The following ATRNL1 variants were observed in gnomAD, a reference collection of about 807,000 sequenced individuals.
ATRNL1 encodes the protein attractin-like protein 1.
A neutral mutation model predicts 182.7 loss-of-function variants in ATRNL1; 95 were observed. That is an observed-to-expected ratio of 0.52 (90% CI 0.44 to 0.62). The LOEUF (loss-of-function observed/expected upper bound fraction) is 0.62. Ranked by LOEUF, ATRNL1 falls within the 20% of genes least tolerant of loss-of-function variation. The pLI, the probability that ATRNL1 is intolerant of heterozygous loss-of-function variation, is 0.00. For missense variants in ATRNL1, 1,471 were observed against 1,679.5 expected, an observed-to-expected ratio of 0.88 and a Z score of 2.17; for synonymous variants, 576 against 568.3, an observed-to-expected ratio of 1.01 and a Z score of -0.19.
In ATRNL1 at chr10:115,262,336, T is replaced by G. The variant is rs140595675; in HGVS notation, c.1688-2857T>G. Among the ~76,000 whole-genome samples, 767 of 152,022 alleles carry G rather than the reference T, an allele frequency of 5.0e-3. 4 individuals are homozygous for G. Among genetic ancestry groups the G allele is most frequent in the African/African-American group, 0.016 (678 of 41,536 alleles). On this transcript the variant is annotated intron_variant, in intron 10 of 28. Transcript: ENST00000355044. ...ATAAATGTTCAAAAATTGGGAAAAT[T>G]AGTGCATTGACATATACTTGGAAAT...
chr10:115,597,459 A>T (rs1166759206), intron 26 of ATRNL1: 2 of 334,098 alleles, frequency 6.0e-6, no homozygotes, highest in Admixed American at 8.8e-5. Flanking sequence ...TGTTGTGTGA[A>T]TTAAAATGGC....
At chr10:115,254,368 G>A (rs1851021189) in intron 10 of ATRNL1, among the ~76,000 whole-genome samples, 6 of 152,290 alleles carry the variant, frequency 3.9e-5, no homozygotes, top group African/African-American at 1.4e-4. Flanking sequence ...GTTTTGATTT[G>A]TATTTCTCTG....
rs576795618 is a variant in ATRNL1, at chr10:115,654,967, T to C, written c.3796-72281T>C. The stretch of plus-strand genomic sequence containing the variant: ...TTGCTCTTAGAATGTTTGTTCTGGG[T>C]AGGCCAGCTACCATGTATTGAAGTC... On this transcript the variant is annotated intron_variant, in intron 26 of 28. Transcript: ENST00000355044. Among the ~76,000 whole-genome samples, 5 of 152,264 alleles carry C rather than the reference T, an allele frequency of 3.3e-5. No homozygotes were observed. The South Asian group carries it at 8.3e-4, about 25-fold the overall frequency.
intron 26 of ATRNL1, among the ~76,000 whole-genome samples, chr10:115,668,309 T>C (rs1861119531): frequency 6.6e-6 from 1 of 152,156 alleles, no homozygotes; most frequent in Admixed American, 6.5e-5. Flanking sequence ...GAGAATTATT[T>C]TCCTGCTTGA....
At chr10:115,295,580 C>A (rs1403272937) in intron 15 of ATRNL1, among the ~76,000 whole-genome samples, 1 of 152,144 alleles carries the variant, frequency 6.6e-6, no homozygotes, top group Admixed American at 6.5e-5. Context: ...TTCTCAGGCC[C>A]TGAGTGCAGG....
intron 24 of ATRNL1, among the ~76,000 whole-genome samples, chr10:115,507,690 G>A (rs1850183432): frequency 6.6e-6 from 1 of 152,080 alleles, no homozygotes. Context: ...AAAGTAATTA[G>A]CACAGTGCCT....
rs181182882 is a variant in ATRNL1, at chr10:115,205,356, C to T, written c.1349-10341C>T. ...GACGATTTATATTTAATGTAATTAT[C>T]AATATGCTTGGATTTAATCATGCTG... On this transcript the variant is annotated intron_variant, in intron 8 of 28. Coordinates refer to ENST00000355044, the MANE Select transcript of ATRNL1 (RefSeq NM_207303.4). 6.4e-3 allele frequency among the ~76,000 whole-genome samples: 971 copies of T among 151,854 alleles called. 11 individuals are homozygous for T. The highest frequency in any genetic ancestry group is 0.022 in the African/African-American group (918 of 41,486).
At chr10:115,141,067 A>G (rs1234329751) in intron 5 of ATRNL1, among the ~76,000 whole-genome samples, 1 of 152,090 alleles carries the variant, frequency 6.6e-6, no homozygotes, top group African/African-American at 2.4e-5. Flanking sequence ...TGCTTGTATG[A>G]TTCTTTGATT....
At chr10:115,140,249 G>A (rs1244666486) in intron 5 of ATRNL1, among the ~76,000 whole-genome samples, 2 of 152,178 alleles carry the variant, frequency 1.3e-5, no homozygotes, top group Non-Finnish European at 2.9e-5. Flanking sequence ...TATATGTAGT[G>A]AAAGAGGTTC....
rs573551921 is a variant in ATRNL1, at chr10:115,797,274, G to A, written c.3904-50603G>A. Among the ~76,000 whole-genome samples, 347 of 152,264 alleles carry A rather than the reference G, an allele frequency of 2.3e-3. 1 individual carries two copies. The highest frequency in any genetic ancestry group is 8.0e-3 in the African/African-American group (333 of 41,554). ...GCAGGGCCTCTTGTTCAAAAAGTAG[G>A]AAAAATAGGCCTTTAAAAGTCCTAA... On this transcript the variant is annotated intron_variant, in intron 27 of 28. Coordinates refer to ENST00000355044, the MANE Select transcript of ATRNL1 (RefSeq NM_207303.4).
In ATRNL1 at chr10:115,219,263, C is replaced by T. The variant is rs529304698; in HGVS notation, c.1532+3383C>T. On this transcript the variant is annotated intron_variant, in intron 9 of 28. Coordinates refer to ENST00000355044, the MANE Select transcript of ATRNL1 (RefSeq NM_207303.4). ...AAAAAAAAAAAAGAAAAAGGGATGA[C>T]GTGTGTGCTTTGCACCCATCTCCTC... 5.3e-5 allele frequency among the ~76,000 whole-genome samples: 8 copies of T among 150,960 alleles called. No individual in the cohort carries two copies. The South Asian group carries it at 1.0e-3, about 20-fold the overall frequency.
chr10:115,597,309 T>A (rs2133932960), intron 26 of ATRNL1, among the ~76,000 whole-genome samples: 1 of 152,250 alleles, frequency 6.6e-6, no homozygotes, highest in East Asian at 1.9e-4. Context: ...TTATTCATAA[T>A]TACACAAAAT....
chr10:115,561,704 G>GGTTTGTGTGTGT (rs1853750993), intron 26 of ATRNL1, among the ~76,000 whole-genome samples: 1 of 144,938 alleles, frequency 6.9e-6, no homozygotes, highest in African/African-American at 2.6e-5. Context: ...TGTGTGTGTG[G>GGTTTGTGTGTGT]GTGTGTGTGT....
At chr10:115,824,082 G>A (rs560891849) in intron 27 of ATRNL1, among the ~76,000 whole-genome samples, 54 of 152,124 alleles carry the variant, frequency 3.5e-4, no homozygotes, top group African/African-American at 1.3e-3. Context: ...AAACAGATAT[G>A]TAGACCAATG....
At chr10:115,480,814 C>T (rs550286091) in intron 24 of ATRNL1, among the ~76,000 whole-genome samples, 1 of 151,092 alleles carries the variant, frequency 6.6e-6, no homozygotes, top group East Asian at 1.9e-4. Flanking sequence ...AGAAAAAGTT[C>T]GTTGACTTTT....
chr10:115,613,594 G>A (rs782042822), intron 26 of ATRNL1, among the ~76,000 whole-genome samples: 13 of 152,226 alleles, frequency 8.5e-5, no homozygotes, highest in Admixed American at 1.3e-4. Flanking sequence ...AATTAGAGAA[G>A]AATTTATGTT....
chr10:115,557,670 A>G (rs1017904604), intron 26 of ATRNL1, among the ~76,000 whole-genome samples: 4 of 152,172 alleles, frequency 2.6e-5, no homozygotes, highest in African/African-American at 9.6e-5. Context: ...ATGGAACAAG[A>G]TGACTTCCAG....
intron 25 of ATRNL1, among the ~76,000 whole-genome samples, chr10:115,535,374 A>G (rs76080627): frequency 0.18 from 27,622 of 151,252 alleles, 3,019 homozygotes; most frequent in Non-Finnish European, 0.25. Context: ...TCCATCACTG[A>G]TACCCTTTCT....
At chr10:115,332,061 G>A (rs1250637696) in intron 18 of ATRNL1, among the ~76,000 whole-genome samples, 2 of 152,292 alleles carry the variant, frequency 1.3e-5, no homozygotes, top group East Asian at 3.9e-4. Flanking sequence ...AGGTGGTTCA[G>A]CCCCATTGTA....
Sources: allele counts gnomAD v4.1 joint callset (sites outside exome capture counted in the v4.1 genomes callset), GRCh38; gene constraint gnomAD v4.1.1; transcripts MANE v1.5; gene names NCBI Gene and HGNC (gene_info 2026-07-23, HGNC 2026-07-21).